Variants in TM6SF2 observed in about 807,000 individuals in gnomAD.
The protein encoded by TM6SF2 is transmembrane 6 superfamily member 2.
Under a neutral mutation model 41.0 loss-of-function variants are expected in TM6SF2, and 29 were observed. That is an observed-to-expected ratio of 0.71 (90% CI 0.53 to 0.96). The LOEUF is 0.96. Among genes scored for constraint, TM6SF2 ranks in the 50% least tolerant of loss-of-function variants. The pLI is 0.00. For missense variants in TM6SF2, 475 were observed against 499.0 expected (o/e 0.95, Z 0.46); for synonymous variants, 200 against 209.1 (o/e 0.96, Z 0.37).
At chr19:19,266,636 C>T (rs1237857178) in intron 8 of TM6SF2, 27 bp from the exon 9 acceptor site, 9 of 1,596,930 alleles carry the variant, frequency 5.6e-6, no homozygotes, top group Non-Finnish European at 6.0e-6. Context: ...AGAGGGGCAC[C>T]AGCCTGTGAG....
At chr19:19,273,061 T>TTGCCCCCCCCCCCCC in intron 1 of TM6SF2, 60 bp downstream of exon 1, 5 of 305,470 alleles carry the variant, frequency 1.6e-5, no homozygotes, top group Non-Finnish European at 3.0e-5. Flanking sequence ...CCTCCAGTCC[T>TTGCCCCCCCCCCCCC]CCCCGCCCCC....
rs1255719236 is a variant in TM6SF2 at position 19,273,128 on chromosome 19, G to A, written c.88C>T (p.Leu30Phe). The A allele has an allele frequency of 1.4e-6, 2 of 1,476,970 alleles. No homozygotes were observed. Among genetic ancestry groups the A allele is most frequent in the African/African-American group, 3.0e-5 (2 of 67,624 alleles). 91.5% of individuals were successfully genotyped at this position (1,476,970 alleles called of 1,614,324 possible). A position where few individuals can be genotyped will look rare whatever the true frequency, so the allele number is the denominator to read the frequency against. Reference protein sequence around the residue: ...VSYALNHVSALSHPLWVALMS... With the variant: ...VSYALNHVSAFSHPLWVALMS... Reference sequence around the variant, plus strand: ...GCCCCTCTCCGCACGCACTGCGAGAGCGCCGAGACGTGGTTGAGCGCGTAG... The same window carrying A: ...GCCCCTCTCCGCACGCACTGCGAGAACGCCGAGACGTGGTTGAGCGCGTAG... The change falls in exon 1 of 10, where the codon CTC (leucine) becomes TTC (phenylalanine). Residue 30 changes from leucine to phenylalanine, a missense_variant. Coordinates refer to ENST00000389363, the MANE Select transcript of TM6SF2 (RefSeq NM_001001524.3).
intron 8 of TM6SF2, 153 bp from the exon 9 acceptor site, chr19:19,266,762 T>C: frequency 1.2e-6 from 1 of 857,568 alleles, no homozygotes; most frequent in East Asian, 2.9e-5. Context: ...TCTATTTCCC[T>C]TGGGGATCCT....
Position 19,270,389 on chromosome 19 carries a change from C to T in TM6SF2, c.253G>A (p.Glu85Lys). 2 of 1,614,088 alleles carry T rather than the reference C, an allele frequency of 1.2e-6. No homozygotes were observed. Among genetic ancestry groups the T allele is most frequent in the Non-Finnish European group, 1.7e-6 (2 of 1,180,000 alleles). The change falls in exon 3 of 10, where the codon GAA becomes AAA. Residue 85 changes from glutamate to lysine, a missense_variant. Physicochemically the swap from Glu to Lys is moderately conservative, Grantham distance 56. Around this residue, in one of 3 missense-constraint regions of TM6SF2, gnomAD observed 238 missense variants for 228.6 expected, o/e 1.04. Transcript: ENST00000389363. The part of the protein sequence containing the change: ...SVVDLIIALQ[E>K]DSYVVGFMEF... ...ATGAAGCCCACCACATAGCTGTCTT[C>T]CTGAAGAGCGATGATGAGGTCCACA...
chr19:19,267,843 T>C, intron 7 of TM6SF2, 130 bp from the exon 8 acceptor site: 1 of 1,088,534 alleles, frequency 9.2e-7, no homozygotes, highest in Non-Finnish European at 1.3e-6. Flanking sequence ...CTGGGAGAAA[T>C]GGGGCTTTGT....
At position 19,273,190 on chromosome 19, in the gene TM6SF2, T is replaced by G; in HGVS notation, c.26A>C (p.Lys9Thr). Residue 9 changes from lysine (K) to threonine (T), a missense_variant, in exon 1 of 10, where the codon AAG (lysine) becomes ACG (threonine). Physicochemically the swap from Lys to Thr is moderately conservative, Grantham distance 78. This residue lies in a region of TM6SF2 where 238 missense variants were observed against 228.6 expected (regional missense o/e 1.04). Transcript: ENST00000389363. ...GGCGCTCAGCGACAGCGCCGCGATCTTGCCGGCCAGCGGCGGGATGTCCAT... is the reference window on the plus strand; with the variant it reads ...GGCGCTCAGCGACAGCGCCGCGATCGTGCCGGCCAGCGGCGGGATGTCCAT... The part of the protein sequence containing the change: MDIPPLAG[K>T]IAALSLSALP... 1 of 1,457,296 alleles carries G rather than the reference T, an allele frequency of 6.9e-7. No individual in the cohort carries two copies. Among genetic ancestry groups the G allele is most frequent in the Non-Finnish European group, 9.0e-7 (1 of 1,108,210 alleles). The allele number at this position is 1,457,296 out of a possible 1,614,324, so 90.3% of individuals were successfully genotyped here.
intron 9 of TM6SF2, among the ~76,000 whole-genome samples, chr19:19,265,423 T>TCC: frequency 1.4e-5 from 2 of 147,026 alleles, no homozygotes; most frequent in Middle Eastern, 7.5e-3. Context: ...TCCATCTATC[T>TCC]ATCTATCTAT....
Position 19,264,397 on chromosome 19 carries a change from G to A in TM6SF2, c.*267C>T. The A allele has an allele frequency of 3.0e-6, 1 of 330,984 alleles. No individual in the cohort carries two copies. The highest frequency in any genetic ancestry group is 5.5e-6 in the Non-Finnish European group (1 of 182,528). 20.5% of individuals were successfully genotyped at this position (330,984 alleles called of 1,614,324 possible). On this transcript the variant is annotated 3_prime_UTR_variant, in exon 10 of 10. Transcript: ENST00000389363. ...AAATTGAAAGGGTTTTTACTGAAAG[G>A]ATCCATGGGGGGATGATGGGTAAGT...
At chr19:19,272,619 CTG>C (rs2061027833) in intron 1 of TM6SF2, among the ~76,000 whole-genome samples, 1 of 151,754 alleles carries the variant, frequency 6.6e-6, no homozygotes, top group South Asian at 2.1e-4. Context: ...GTAGGGGGAA[CTG>C]AGTCTAGGGA....
At chr19:19,266,374 G>A (rs944566226) in intron 9 of TM6SF2, 116 bp downstream of exon 9, 11 of 1,435,362 alleles carry the variant, frequency 7.7e-6, no homozygotes, top group Middle Eastern at 1.9e-4. Context: ...TGGGCCTGGG[G>A]CTGGGGCCTC....
intron 6 of TM6SF2, 84 bp downstream of exon 6, chr19:19,268,545 GA>G (rs1175011392): frequency 6.8e-7 from 1 of 1,479,266 alleles, no homozygotes; most frequent in Non-Finnish European, 8.9e-7. Flanking sequence ...ACCTTCCACA[GA>G]AATTAAGTCT....
At chr19:19,265,971 C>T (rs1026125205) in intron 9 of TM6SF2, among the ~76,000 whole-genome samples, 4 of 152,142 alleles carry the variant, frequency 2.6e-5, no homozygotes, top group African/African-American at 9.7e-5. Context: ...CACTTTTCAT[C>T]AGGAACCCAG....
At chr19:19,265,343 T>C (rs1258273169) in intron 9 of TM6SF2, among the ~76,000 whole-genome samples, 2 of 151,440 alleles carry the variant, frequency 1.3e-5, no homozygotes, top group Non-Finnish European at 2.9e-5. Flanking sequence ...CCACCATGCC[T>C]GGCCTATTTT....
intron 5 of TM6SF2, 45 bp from the exon 6 acceptor site, chr19:19,268,799 G>T: frequency 1.3e-6 from 2 of 1,538,992 alleles, no homozygotes; most frequent in Non-Finnish European, 1.7e-6. Flanking sequence ...CCAGAACCCT[G>T]CTGGACATCT....
intron 8 of TM6SF2, 140 bp downstream of exon 8, chr19:19,267,481 A>G (rs1171702027): frequency 1.7e-6 from 1 of 573,770 alleles, no homozygotes; most frequent in Admixed American, 3.1e-5. Flanking sequence ...TGAAGACCAC[A>G]TCTGTCCTTT....
chr19:19,267,379 AAAAAAAGAAAAAGAAAGAAAG>A (rs1267487067), intron 8 of TM6SF2, among the ~76,000 whole-genome samples: 4 of 142,590 alleles, frequency 2.8e-5, no homozygotes, highest in African/African-American at 1.0e-4. Context: ...AAAAAAAAAA[AAAAAAAGAAAAAGAAAGAAAG>A]AAAAGAAAGG....
intron 9 of TM6SF2, 119 bp from the exon 10 acceptor site, chr19:19,264,992 C>G: frequency 3.8e-6 from 2 of 520,960 alleles, no homozygotes; most frequent in Non-Finnish European, 6.4e-6. Context: ...CCCCACCTCT[C>G]GGGCTTTGCT....
intron 8 of TM6SF2, among the ~76,000 whole-genome samples, chr19:19,267,396 G>GAAAGAAAAGAAAGGA (rs1377861707): frequency 6.7e-6 from 1 of 148,208 alleles, no homozygotes; most frequent in African/African-American, 2.5e-5. Flanking sequence ...GAAAAAGAAA[G>GAAAGAAAAGAAAGGA]AAAGAAAAGA....
chr19:19,264,755 TG>T lies in TM6SF2; in HGVS notation c.1042del (p.His348ThrfsTer23). 1 of 1,608,180 alleles carries T rather than the reference TG, an allele frequency of 6.2e-7. No homozygotes were observed. Among genetic ancestry groups the T allele is most frequent in the Non-Finnish European group, 8.5e-7 (1 of 1,177,372 alleles). ...CTGAAGGCAACGGTAGGCCAGCAGGTGGGGGCCCAGCGCATACAGCAGATTG... is the reference window on the plus strand; with the variant it reads ...CTGAAGGCAACGGTAGGCCAGCAGGTGGGGCCCAGCGCATACAGCAGATTG... ...VCNLLYALGP[H>X]LLAYRCLQWP... On this transcript the variant is annotated frameshift_variant, in exon 10 of 10. Transcript: ENST00000389363. LOFTEE classifies it low-confidence loss of function (END_TRUNC).
Sources: gnomAD v4.1 joint callset for allele counts (sites outside exome capture counted in the v4.1 genomes callset) on GRCh38, gnomAD v4.1.1 for gene constraint, gnomAD v4.1.1 regional missense constraint, MANE v1.5 for transcripts, NCBI Gene and HGNC (gene_info 2026-07-23, HGNC 2026-07-21) for gene names.